The following USP54 variants were observed in gnomAD, a reference collection of about 807,000 sequenced individuals.
USP54 encodes the protein ubiquitin carboxyl-terminal hydrolase 54.
In USP54, 87 loss-of-function variants were observed where a neutral mutation model predicts 170.5. The observed-to-expected ratio is 0.51, with a 90% confidence interval of 0.43 to 0.61. USP54 has a LOEUF of 0.61. Ranked by LOEUF, USP54 falls within the 20% of genes least tolerant of loss-of-function variation. The pLI is 0.00. For missense variants in USP54, 1,786 were observed against 2,047.8 expected, an observed-to-expected ratio of 0.87 and a Z score of 2.47; for synonymous variants, 655 against 742.8, an observed-to-expected ratio of 0.88 and a Z score of 1.92.
At chr10:73,582,588 G>A (rs2077022202) in intron 1 of USP54, among the ~76,000 whole-genome samples, 1 of 152,014 alleles carries the variant, frequency 6.6e-6, no homozygotes, top group African/African-American at 2.4e-5. Context: ...ACAGAGTTTC[G>A]CCATGTTGGC....
At position 73,517,302 on chromosome 10, in the gene USP54, T is replaced by C. The variant is rs767209935; in HGVS notation, c.3124A>G (p.Ile1042Val). The C allele has an allele frequency of 5.0e-6, 8 of 1,612,896 alleles. No homozygotes were observed. Among genetic ancestry groups the C allele is most frequent in the Middle Eastern group, 3.3e-4 (2 of 6,076 alleles). The part of the protein sequence containing the change: ...PANPSPVMPG[I>V]ATSERGDEHS... ...TCATCACCCCTCTCAGAGGTGGCTA[T>C]TCCAGGCATCACCGGGGAGGGGTTA... Residue 1042 changes from isoleucine (I) to valine (V), a missense_variant, in exon 20 of 24, where the codon ATA becomes GTA. By Grantham distance (29) the Ile-to-Val change is conservative. Transcript: ENST00000687698.
At chr10:73,536,953 T>C (rs2065343187) in intron 10 of USP54, among the ~76,000 whole-genome samples, 1 of 152,216 alleles carries the variant, frequency 6.6e-6, no homozygotes, top group African/African-American at 2.4e-5. Flanking sequence ...GGATATAAAA[T>C]GTCAAACTGC....
At chr10:73,605,199 G>A (rs1382132742) in intron 1 of USP54, among the ~76,000 whole-genome samples, 1 of 152,002 alleles carries the variant, frequency 6.6e-6, no homozygotes, top group East Asian at 1.9e-4. Flanking sequence ...CCTCTCACTG[G>A]GACTACAGGC....
chr10:73,608,638 G>C (rs2079873785), intron 1 of USP54, among the ~76,000 whole-genome samples: 1 of 152,168 alleles, frequency 6.6e-6, no homozygotes, highest in South Asian at 2.1e-4. Context: ...GCTCATGCCT[G>C]TAATTCCAAC....
chr10:73,564,432 G>C (rs890067346), intron 4 of USP54, among the ~76,000 whole-genome samples: 2 of 152,086 alleles, frequency 1.3e-5, no homozygotes, highest in African/African-American at 4.8e-5. Flanking sequence ...TAGATTCACA[G>C]GGCAAGTAGC....
intron 1 of USP54, among the ~76,000 whole-genome samples, chr10:73,604,740 G>T (rs1477213709): frequency 6.6e-6 from 1 of 152,062 alleles, no homozygotes; most frequent in Non-Finnish European, 1.5e-5. Context: ...TCCAGAGTTG[G>T]TTCCTTCCAG....
chr10:73,529,075 T>G (rs1488502846), intron 15 of USP54: 1 of 152,366 alleles, frequency 6.6e-6, no homozygotes, highest in Non-Finnish European at 1.5e-5. Flanking sequence ...CTTCACAAAT[T>G]TTTGTGCCAC....
intron 4 of USP54, among the ~76,000 whole-genome samples, chr10:73,563,899 A>C (rs2073690812): frequency 6.6e-6 from 1 of 151,886 alleles, no homozygotes; most frequent in African/African-American, 2.4e-5. Flanking sequence ...TTTGTAGTAA[A>C]ATTTATCAAT....
rs368345345 is a variant in USP54 at position 73,544,663 on chromosome 10, G to A, written c.375+875C>T. On this transcript the variant is annotated intron_variant, in intron 5 of 23. Transcript: ENST00000687698. ...TCCTCAGGAGCACCTCTGATTTGGG[G>A]CCACATTTTACCCTGTGATGAGATA... Among the ~76,000 whole-genome samples, 8 of 152,048 alleles carry A rather than the reference G, an allele frequency of 5.3e-5. No individual in the cohort carries two copies. The East Asian group carries it at 1.4e-3, about 26-fold the overall frequency.
intron 18 of USP54, chr10:73,520,216 A>G (rs2061686650): frequency 5.0e-6 from 3 of 596,608 alleles, no homozygotes; most frequent in African/African-American, 1.9e-5. Flanking sequence ...AATCCAAATT[A>G]AAAAAACAAA....
At chr10:73,524,001 G>A (rs1184418507) in intron 16 of USP54, among the ~76,000 whole-genome samples, 3 of 150,404 alleles carry the variant, frequency 2.0e-5, no homozygotes, top group African/African-American at 4.9e-5. Context: ...TCCGCCTCCC[G>A]GGTTCAAGCG....
At chr10:73,529,031 T>C (rs2063507281) in intron 15 of USP54, 1 of 152,344 alleles carries the variant, frequency 6.6e-6, no homozygotes, top group South Asian at 2.1e-4. Flanking sequence ...ATCCCTAGAC[T>C]TGTTTATCCT....
At chr10:73,598,452 GA>G (rs1005182877) in intron 1 of USP54, among the ~76,000 whole-genome samples, 3 of 151,994 alleles carry the variant, frequency 2.0e-5, no homozygotes, top group Admixed American at 1.3e-4. Context: ...AGTAACAAAA[GA>G]AAAAAATACA....
chr10:73,553,640 G>T (rs924993297), intron 4 of USP54, among the ~76,000 whole-genome samples: 6 of 152,198 alleles, frequency 3.9e-5, no homozygotes, highest in Non-Finnish European at 5.9e-5. Context: ...TCTTCCAATT[G>T]CTGAGTTCTA....
chr10:73,565,150 T>C (rs1478584870), intron 4 of USP54, among the ~76,000 whole-genome samples: 2 of 152,108 alleles, frequency 1.3e-5, no homozygotes, highest in Non-Finnish European at 2.9e-5. Flanking sequence ...TACTTATCTT[T>C]AGTGAATGAG....
At position 73,523,251 on chromosome 10, in the gene USP54, C is replaced by G. The variant is rs117097625; in HGVS notation, c.2362+332G>C. Among the ~76,000 whole-genome samples the G allele has an allele frequency of 4.8e-3, 726 of 152,346 alleles. 4 individuals carry two copies. The highest frequency in any genetic ancestry group is 6.8e-3 in the Non-Finnish European group (465 of 68,034). ...TTCCCAGCAAGTAGAATTCCCCTCA[C>G]TGTCAGTGTGGCTCACTGCCATTTT... On this transcript the variant is annotated intron_variant, in intron 17 of 23. Transcript: ENST00000687698.
In USP54 at chr10:73,504,893, A is replaced by G. The variant is rs1242987814; in HGVS notation, c.4268T>C (p.Val1423Ala). 2 of 1,614,080 alleles carry G rather than the reference A, an allele frequency of 1.2e-6. No individual in the cohort carries two copies. The highest frequency in any genetic ancestry group is 2.2e-5 in the South Asian group (2 of 91,076). ...CGGAGCTTCCTCCCTCTCTGAGACA[A>G]CGGTGCCACTGAGACTGCGTGAGAT... ...RRISRSLSGT[V>A]VSEREEAPVS... The change falls in exon 22 of 24, where the codon GTT becomes GCT. Residue 1423 changes from valine to alanine, a missense_variant. Coordinates refer to ENST00000687698, the MANE Select transcript of USP54 (RefSeq NM_001391956.1).
chr10:73,519,932 T>C lies in USP54; in HGVS notation c.2543A>G (p.Asp848Gly), dbSNP rs776786125. The C allele has an allele frequency of 3.1e-6, 5 of 1,613,752 alleles. 1 individual carries two copies. The highest frequency in any genetic ancestry group is 3.4e-6 in the Non-Finnish European group (4 of 1,179,908). The part of the protein sequence containing the change: ...SCSTHSRALV[D>G]KKLQISIRKA... The stretch of plus-strand genomic sequence containing the variant: ...TCGAATACTGATTTGCAACTTCTTA[T>C]CGACTAGGGCTCTGCTGTGCGTGCT... Residue 848 changes from aspartate to glycine, a missense_variant, in exon 19 of 24, where the codon GAT becomes GGT. This residue lies in a region of USP54 where 1,418 missense variants were observed against 1,569.0 expected (regional missense o/e 0.90). Transcript: ENST00000687698.
intron 4 of USP54, among the ~76,000 whole-genome samples, chr10:73,568,130 C>T (rs952125057): frequency 2.0e-5 from 3 of 151,934 alleles, no homozygotes; most frequent in African/African-American, 7.3e-5. Context: ...CTAGGCTGGT[C>T]TCACACTGCT....
Sources: allele counts gnomAD v4.1 joint callset (sites outside exome capture counted in the v4.1 genomes callset), GRCh38; gene constraint gnomAD v4.1.1; regional missense constraint gnomAD v4.1.1; transcripts MANE v1.5; gene names NCBI Gene and HGNC (gene_info 2026-07-23, HGNC 2026-07-21).